Variants in RTTN observed in about 807,000 individuals in gnomAD.
RTTN encodes rotatin.
Under a neutral mutation model 269.2 loss-of-function variants are expected in RTTN, and 182 were observed. The observed-to-expected ratio is 0.68, with a 90% CI of 0.60 to 0.76. The LOEUF (loss-of-function observed/expected upper bound fraction) is 0.76, where lower values mean the gene tolerates loss of function less well. Ranked by LOEUF, RTTN falls within the 30% of genes least tolerant of loss-of-function variation. The probability of loss-of-function intolerance (pLI) is 0.00; values close to 1 mark genes in which losing one functional copy is unlikely to be tolerated. For missense variants in RTTN, 2,545 were observed against 2,608.6 expected, an observed-to-expected ratio of 0.98 and a Z score of 0.53; for synonymous variants, 1,006 against 963.5, an observed-to-expected ratio of 1.04 and a Z score of -0.82.
chr18:70,157,108 G>T (rs1458236003), intron 14 of RTTN, among the ~76,000 whole-genome samples: 2 of 152,150 alleles, frequency 1.3e-5, no homozygotes, highest in African/African-American at 4.8e-5. Context: ...CTTGCCTGCA[G>T]CCTCCCCTGC....
At chr18:70,136,225 G>GA (rs5825994) in intron 21 of RTTN, among the ~76,000 whole-genome samples, 129,366 of 152,022 alleles carry the variant, frequency 0.85, 57,267 homozygotes, top group East Asian at 1. Flanking sequence ...AAATAAATAA[G>GA]AATTACAGCA....
At chr18:70,142,902 G>A (rs1348153537) in intron 18 of RTTN, among the ~76,000 whole-genome samples, 1 of 152,160 alleles carries the variant, frequency 6.6e-6, no homozygotes, top group East Asian at 1.9e-4. Flanking sequence ...GTACACACCT[G>A]TAATCCCAGC....
chr18:70,067,463 T>C (rs2058173438), intron 34 of RTTN, among the ~76,000 whole-genome samples: 1 of 152,176 alleles, frequency 6.6e-6, no homozygotes, highest in South Asian at 2.1e-4. Context: ...CCAGCAAGCT[T>C]GTTTATTTTT....
chr18:70,059,321 C>T (rs2057909452), intron 36 of RTTN, among the ~76,000 whole-genome samples: 2 of 152,132 alleles, frequency 1.3e-5, no homozygotes, highest in Non-Finnish European at 2.9e-5. Context: ...AATTATGTTA[C>T]AGACTGATTA....
At chr18:70,109,250 G>C (rs2059398884) in intron 28 of RTTN, among the ~76,000 whole-genome samples, 1 of 152,082 alleles carries the variant, frequency 6.6e-6, no homozygotes, top group Non-Finnish European at 1.5e-5. Flanking sequence ...AATCTGAAAT[G>C]CTCTAGCGAA....
chr18:70,189,805 C>T (rs988047688), intron 9 of RTTN, among the ~76,000 whole-genome samples: 4 of 152,168 alleles, frequency 2.6e-5, no homozygotes, highest in South Asian at 2.1e-4. Flanking sequence ...AGTAGGGACA[C>T]GTGCTAACTG....
chr18:70,106,440 A>G (rs571337726), intron 28 of RTTN, among the ~76,000 whole-genome samples: 1 of 152,384 alleles, frequency 6.6e-6, no homozygotes, highest in South Asian at 2.1e-4. Context: ...AAGGCCAAAC[A>G]GTATTAGGTA....
intron 28 of RTTN, among the ~76,000 whole-genome samples, chr18:70,098,917 T>C (rs187453428): frequency 1.4e-4 from 22 of 152,310 alleles, no homozygotes; most frequent in African/African-American, 5.3e-4. Flanking sequence ...CTTGCGATAG[T>C]TTGCTGAGAA....
chr18:70,110,570 A>G (rs2059437818), intron 27 of RTTN, among the ~76,000 whole-genome samples: 1 of 152,224 alleles, frequency 6.6e-6, no homozygotes. Flanking sequence ...ACAAACCAGG[A>G]GATTCCCTCG....
intron 5 of RTTN, among the ~76,000 whole-genome samples, chr18:70,198,930 G>T (rs4891824): frequency 0.094 from 14,274 of 152,140 alleles, 1,147 homozygotes; most frequent in African/African-American, 0.22. Context: ...CTCACACCTG[G>T]AATCTCAGCA....
At chr18:70,048,431 T>C (rs1475369713) in intron 39 of RTTN, among the ~76,000 whole-genome samples, 1 of 152,214 alleles carries the variant, frequency 6.6e-6, no homozygotes, top group Non-Finnish European at 1.5e-5. Context: ...TGAGTGGTCA[T>C]GAACTGATTC....
At chr18:70,142,962 C>T (rs752110045) in intron 18 of RTTN, among the ~76,000 whole-genome samples, 9 of 152,068 alleles carry the variant, frequency 5.9e-5, no homozygotes, top group Non-Finnish European at 1.3e-4. Flanking sequence ...GAGGCGGAGG[C>T]GGCAGTGATC....
chr18:70,176,719 G>C lies in RTTN; in HGVS notation c.1432C>G (p.Leu478Val). 6.2e-7 allele frequency: 1 copy of C among 1,613,948 alleles called. No homozygotes were observed. Among genetic ancestry groups the C allele is most frequent in the African/African-American group, 1.3e-5 (1 of 75,050 alleles). The part of the protein sequence containing the change: ...HHRMAFISIS[L>V]FAVRLLQTLL... ...GTTTGTAGCAGTCGAACTGCAAACA[G>C]GGAAATGCTGATAAAGGCCATTCTG... is the stretch of plus-strand genomic sequence containing the variant. Residue 478 changes from leucine to valine, a missense_variant, in exon 11 of 49, where the codon CTG (leucine) becomes GTG (valine). Transcript: ENST00000640769.
chr18:70,092,714 G>A lies in RTTN; in HGVS notation c.3994C>T (p.His1332Tyr), dbSNP rs868050897. ...VTKSTILCLL[H>Y]LSHEMMAQAG... is the part of the protein sequence containing the mutation. ...TGGGCCATCATCTCATGGGATAAGTGAAGCAAGCAAAGAATTGTGCTCTTT... is the reference window on the plus strand; with the variant it reads ...TGGGCCATCATCTCATGGGATAAGTAAAGCAAGCAAAGAATTGTGCTCTTT... The change falls in exon 29 of 49, where the codon CAC (histidine) becomes TAC (tyrosine). Residue 1332 changes from histidine (H) to tyrosine (Y), a missense_variant. His to Tyr is a moderately conservative substitution (Grantham distance 83, BLOSUM62 2). Transcript: ENST00000640769. 6.2e-7 allele frequency: 1 copy of A among 1,613,596 alleles called. No homozygotes were observed. Among genetic ancestry groups the A allele is most frequent in the Non-Finnish European group, 8.5e-7 (1 of 1,179,630 alleles).
intron 35 of RTTN, among the ~76,000 whole-genome samples, chr18:70,063,688 A>T (rs2058053124): frequency 6.6e-6 from 1 of 152,272 alleles, no homozygotes; most frequent in African/African-American, 2.4e-5. Context: ...TATGTATTAC[A>T]TATCTTCAGC....
At position 70,114,721 on chromosome 18, in the gene RTTN, C is replaced by T. The variant is rs1205166446; in HGVS notation, c.3529-122G>A. 3 of 611,194 alleles carry T rather than the reference C, an allele frequency of 4.9e-6. No individual in the cohort carries two copies. The African/African-American group carries it at 5.7e-5, about 12-fold the overall frequency. The allele number at this position is 611,194 out of a possible 1,614,324, so 37.9% of individuals were successfully genotyped here. ...ATATTACCTAACTAGTAGGTGTGGG[C>T]CTTTACTGCATTAGTAGAGATGTTC... On this transcript the variant is annotated intron_variant, in intron 26 of 48. Coordinates refer to ENST00000640769, the MANE Select transcript of RTTN (RefSeq NM_173630.4).
chr18:70,044,226 T>C (rs1201112732), intron 40 of RTTN, among the ~76,000 whole-genome samples: 2 of 152,234 alleles, frequency 1.3e-5, no homozygotes, highest in East Asian at 3.8e-4. Context: ...AGATTTACCC[T>C]TGAATTTTAC....
chr18:70,171,476 T>C (rs1202487309), intron 11 of RTTN, among the ~76,000 whole-genome samples: 1 of 152,220 alleles, frequency 6.6e-6, no homozygotes, highest in African/African-American at 2.4e-5. Flanking sequence ...AATTCCAATG[T>C]TTCACCCTGC....
intron 14 of RTTN, among the ~76,000 whole-genome samples, chr18:70,159,739 A>G (rs553250413): frequency 7.6e-4 from 115 of 152,254 alleles, no homozygotes; most frequent in South Asian, 5.8e-3. Context: ...AGAAATGACA[A>G]AAGTGACATT....
Sources: gnomAD v4.1 joint callset for allele counts (sites outside exome capture counted in the v4.1 genomes callset) on GRCh38, gnomAD v4.1.1 for gene constraint, MANE v1.5 for transcripts, NCBI Gene and HGNC (gene_info 2026-07-23, HGNC 2026-07-21) for gene names.